The following STK35 variants were observed in gnomAD, a reference collection of about 807,000 sequenced individuals.
STK35 encodes the protein serine/threonine-protein kinase 35.
In STK35, 17 loss-of-function variants were observed where a neutral mutation model predicts 37.3. That is an observed-to-expected ratio of 0.46 (90% confidence interval 0.31 to 0.68). The LOEUF (loss-of-function observed/expected upper bound fraction) is 0.68, where lower values mean the gene tolerates loss of function less well. Ranked by LOEUF, STK35 falls within the 30% of genes least tolerant of loss-of-function variation. STK35 has a pLI of 0.05. For missense variants in STK35, 595 were observed against 746.7 expected, an observed-to-expected ratio of 0.80 and a Z score of 2.37; for synonymous variants, 385 against 319.1, an observed-to-expected ratio of 1.21 and a Z score of -2.20.
intron 3 of STK35, among the ~76,000 whole-genome samples, chr20:2,129,801 C>T (rs1025760562): frequency 3.9e-5 from 6 of 151,920 alleles, no homozygotes; most frequent in African/African-American, 1.5e-4. Context: ...AGGATGAGGC[C>T]TCTGCCAAGC....
Position 2,144,890 on chromosome 20 carries a change from C to T in STK35, c.*1144C>T, listed in dbSNP as rs1403189299. ...ATGGTGTCATATGCAGTGACACACA[C>T]TGTCAAGCGCCATTTCCCTCACCCC... is the stretch of plus-strand genomic sequence containing the variant. On this transcript the variant is annotated 3_prime_UTR_variant, in exon 4 of 4. Coordinates refer to ENST00000381482, the MANE Select transcript of STK35 (RefSeq NM_080836.4). The T allele has an allele frequency of 6.5e-6, 1 of 152,916 alleles. No homozygotes were observed. Among genetic ancestry groups the T allele is most frequent in the Non-Finnish European group, 1.5e-5 (1 of 68,220 alleles). The allele number at this position is 152,916 out of a possible 1,614,324, so 9.5% of individuals were successfully genotyped here. A position where few individuals can be genotyped will look rare whatever the true frequency, so the allele number is the denominator to read the frequency against.
chr20:2,137,222 T>C, intron 3 of STK35, among the ~76,000 whole-genome samples: 1 of 152,248 alleles, frequency 6.6e-6, no homozygotes, highest in East Asian at 1.9e-4. Flanking sequence ...ATCACTGGTC[T>C]TTGTACCCGG....
intron 3 of STK35, among the ~76,000 whole-genome samples, chr20:2,127,132 T>C (rs1248963684): frequency 6.6e-6 from 1 of 152,118 alleles, no homozygotes; most frequent in Non-Finnish European, 1.5e-5. Context: ...CGTGTTGGGT[T>C]TTAGTATTGA....
At chr20:2,119,504 A>G (rs2122557651) in intron 3 of STK35, among the ~76,000 whole-genome samples, 1 of 152,400 alleles carries the variant, frequency 6.6e-6, no homozygotes, top group African/African-American at 2.4e-5. Flanking sequence ...TGTGTGTGTA[A>G]GAGAAATAAG....
chr20:2,141,884 A>C (rs1986177802), intron 3 of STK35, among the ~76,000 whole-genome samples: 1 of 152,148 alleles, frequency 6.6e-6, no homozygotes, highest in African/African-American at 2.4e-5. Context: ...CTTAATCCTT[A>C]TTTTTGGACT....
intron 2 of STK35, among the ~76,000 whole-genome samples, chr20:2,104,529 C>T (rs1221947769): frequency 1.3e-5 from 2 of 152,144 alleles, no homozygotes; most frequent in Non-Finnish European, 2.9e-5. Context: ...CCAGATCTGT[C>T]TTGATTCGAG....
chr20:2,122,805 G>A (rs1449076269), intron 3 of STK35, among the ~76,000 whole-genome samples: 2 of 152,208 alleles, frequency 1.3e-5, no homozygotes, highest in Admixed American at 1.3e-4. Context: ...GAAGACAGTG[G>A]TCTTTGGTAG....
intron 2 of STK35, among the ~76,000 whole-genome samples, chr20:2,112,537 A>T (rs1037291424): frequency 3.3e-5 from 5 of 152,282 alleles, no homozygotes; most frequent in African/African-American, 1.2e-4. Context: ...GCTGGGAGAC[A>T]GCATGGTCTG....
chr20:2,115,610 G>C (rs1417780899), intron 2 of STK35, among the ~76,000 whole-genome samples: 1 of 152,160 alleles, frequency 6.6e-6, no homozygotes, highest in Non-Finnish European at 1.5e-5. Flanking sequence ...ACTGTCAGTT[G>C]CTTTATAAAG....
rs1281418910 is a variant in STK35, at chr20:2,144,641, G to A, written c.*895G>A. On this transcript the variant is annotated 3_prime_UTR_variant, in exon 4 of 4. Coordinates refer to ENST00000381482, the MANE Select transcript of STK35 (RefSeq NM_080836.4). ...CCAAACTCTTGTGTGGAACACAGCT[G>A]GGTCTTCAGCAGGCATCTGTCACTG... The A allele has an allele frequency of 1.3e-5, 2 of 152,976 alleles. No individual in the cohort carries two copies. The highest frequency in any genetic ancestry group is 1.9e-4 in the East Asian group (1 of 5,202). 9.5% of individuals were successfully genotyped at this position (152,976 alleles called of 1,614,324 possible).
Position 2,147,660 on chromosome 20 carries a change from C to T in STK35, c.*3914C>T, listed in dbSNP as rs1315489104. 1.3e-5 allele frequency: 2 copies of T among 152,586 alleles called. No individual in the cohort carries two copies. The highest frequency in any genetic ancestry group is 4.8e-5 in the African/African-American group (2 of 41,446). 9.5% of individuals were successfully genotyped at this position (152,586 alleles called of 1,614,324 possible). A position where few individuals can be genotyped will look rare whatever the true frequency, so the allele number is the denominator to read the frequency against. On this transcript the variant is annotated 3_prime_UTR_variant, in exon 4 of 4. Coordinates refer to ENST00000381482, the MANE Select transcript of STK35 (RefSeq NM_080836.4). Reference sequence around the variant, plus strand: ...ATCCTGCCCATACGCCCCTCTTCCCCCGACATCTGGGGGCGCTGGTGGCAC... The same window carrying T: ...ATCCTGCCCATACGCCCCTCTTCCCTCGACATCTGGGGGCGCTGGTGGCAC...
At chr20:2,140,062 T>G (rs1475694074) in intron 3 of STK35, among the ~76,000 whole-genome samples, 2 of 152,164 alleles carry the variant, frequency 1.3e-5, no homozygotes, top group Non-Finnish European at 2.9e-5. Context: ...GCAACTCTGG[T>G]GTGGGGCAAG....
chr20:2,102,199 A>C, intron 1 of STK35, 24 bp downstream of exon 1: 2 of 1,368,406 alleles, frequency 1.5e-6, no homozygotes, highest in Non-Finnish European at 1.9e-6. Flanking sequence ...TGGAGGACTG[A>C]AGGCCAGCGC....
intron 3 of STK35, among the ~76,000 whole-genome samples, chr20:2,135,131 T>TAA (rs1986064507): frequency 6.6e-6 from 1 of 152,194 alleles, no homozygotes; most frequent in African/African-American, 2.4e-5. Context: ...GCAAGATCCT[T>TAA]CATCTTCCCG....
In STK35 at chr20:2,130,973, CTT is replaced by C. The variant is rs569354031; in HGVS notation, c.*38-12809_*38-12808del. On this transcript the variant is annotated intron_variant, in intron 3 of 3. Transcript: ENST00000381482. ...CCTGGAACCCCCTGGGGACCTAGGT[CTT>C]TATACAAATTCAGCAAGTGGTTACT... Among the ~76,000 whole-genome samples, 535 of 152,258 alleles carry C rather than the reference CTT, an allele frequency of 3.5e-3. 3 individuals are homozygous for C. The highest frequency in any genetic ancestry group is 4.2e-3 in the Non-Finnish European group (287 of 68,010).
intron 3 of STK35, among the ~76,000 whole-genome samples, chr20:2,139,863 AAAGGT>A (rs71865143): frequency 0.068 from 10,341 of 152,162 alleles, 494 homozygotes; most frequent in Admixed American, 0.12. Flanking sequence ...CTGAAATGAG[AAAGGT>A]AAGGATTCAT....
chr20:2,128,153 T>C (rs754742134), intron 3 of STK35, among the ~76,000 whole-genome samples: 82 of 151,846 alleles, frequency 5.4e-4, no homozygotes, highest in Admixed American at 9.2e-4. Flanking sequence ...AACTGGGGAG[T>C]GGTATTGTAT....
intron 3 of STK35, among the ~76,000 whole-genome samples, chr20:2,126,046 A>G (rs1985899587): frequency 6.6e-6 from 1 of 152,192 alleles, no homozygotes; most frequent in African/African-American, 2.4e-5. Flanking sequence ...TTTAAAGTTG[A>G]TGAGGACCCA....
Position 2,102,187 on chromosome 20 carries a change from G to A in STK35, c.294+12G>A, listed in dbSNP as rs986360411. ...GGTGCGCGGGCCAGGTAAGGGCGCCGTTGGAGGACTGAAGGCCAGCGCCGA... is the reference window on the plus strand; with the variant it reads ...GGTGCGCGGGCCAGGTAAGGGCGCCATTGGAGGACTGAAGGCCAGCGCCGA... On this transcript the variant is annotated intron_variant, in intron 1 of 3. Transcript: ENST00000381482. 7.8e-5 allele frequency: 107 copies of A among 1,373,160 alleles called. No individual in the cohort carries two copies. The highest frequency in any genetic ancestry group is 9.1e-5 in the Non-Finnish European group (97 of 1,064,626). The allele number at this position is 1,373,160 out of a possible 1,614,324, so 85.1% of individuals were successfully genotyped here.
Sources: allele counts gnomAD v4.1 joint callset (sites outside exome capture counted in the v4.1 genomes callset), GRCh38; gene constraint gnomAD v4.1.1; transcripts MANE v1.5; gene names NCBI Gene and HGNC (gene_info 2026-07-23, HGNC 2026-07-21).